C10orf105: variants seen among roughly 807,000 people sequenced by gnomAD.
C10orf105 encodes chromosome 10 open reading frame 105.
C10orf105 carries 2 observed loss-of-function variants against 0.6 expected under a neutral mutation model. That is an observed-to-expected ratio of 3.18 (90% CI 1.30 to 10.01). The LOEUF is 10.01. Ranked by LOEUF, C10orf105 falls within the 30% of genes most tolerant of loss-of-function variation. The pLI is 0.04. For synonymous variants in C10orf105, 95 were observed against 82.4 expected (o/e 1.15, Z -0.83); for missense variants, 209 against 191.4 (o/e 1.09, Z -0.54).
chr10:71,725,793 C>G (rs1187531825), intron 1 of C10orf105, among the ~76,000 whole-genome samples: 1 of 152,166 alleles, frequency 6.6e-6, no homozygotes, highest in East Asian at 1.9e-4. Flanking sequence ...ACTGTACTAA[C>G]CCCTGTATCC....
chr10:71,726,565 G>A (rs1866821659), intron 1 of C10orf105, among the ~76,000 whole-genome samples: 1 of 152,234 alleles, frequency 6.6e-6, no homozygotes, highest in Non-Finnish European at 1.5e-5. Context: ...CTGCCCTGTG[G>A]AAATGGCTGA....
intron 1 of C10orf105, chr10:71,732,242 A>G (rs545091688): frequency 6.2e-7 from 1 of 1,613,772 alleles, no homozygotes; most frequent in Non-Finnish European, 8.5e-7. Flanking sequence ...GCCATCCTGG[A>G]GAATCTGGCA....
At chr10:71,717,136 G>A (rs1257818952) in intron 1 of C10orf105, 1 of 152,326 alleles carries the variant, frequency 6.6e-6, no homozygotes, top group Non-Finnish European at 1.5e-5. Context: ...GGTCCGAAGA[G>A]GGGATTTGGC....
Position 71,737,734 on chromosome 10 carries a change from TTCCAGCCGCAGTGGCCTGTGGCCG to T in C10orf105, c.-36_-13del, listed in dbSNP as rs377075213. The T allele has an allele frequency of 7.0e-4, 328 of 470,960 alleles. 2 individuals carry two copies. Among genetic ancestry groups the T allele is most frequent in the African/African-American group, 5.9e-3 (296 of 50,192 alleles). 29.2% of individuals were successfully genotyped at this position (470,960 alleles called of 1,614,324 possible). On this transcript the variant is annotated 5_prime_UTR_variant, in exon 1 of 2. Coordinates refer to the C10orf105 transcript ENST00000398786. ...TCAGTGAACCCCTGGGTACCTGTGA[TTCCAGCCGCAGTGGCCTGTGGCCG>T]TCCGTGGACTGGAGGCCTCACCCGC... is the stretch of plus-strand genomic sequence containing the variant.
intron 1 of C10orf105, chr10:71,734,458 T>A: frequency 6.7e-7 from 1 of 1,493,430 alleles, no homozygotes; most frequent in Non-Finnish European, 9.1e-7. Flanking sequence ...GCGAGGGTCT[T>A]GATAGCCTGA....
upstream of C10orf105, among the ~76,000 whole-genome samples, chr10:71,720,399 T>G (rs1434367146): frequency 1.3e-5 from 2 of 149,920 alleles, no homozygotes; most frequent in Non-Finnish European, 3.0e-5. Flanking sequence ...ACGGGAGACC[T>G]CCACTGGAGG....
intron 1 of C10orf105, among the ~76,000 whole-genome samples, chr10:71,727,203 A>G (rs1435293911): frequency 1.3e-5 from 2 of 152,228 alleles, no homozygotes; most frequent in Non-Finnish European, 2.9e-5. Flanking sequence ...GGCAAAGAGG[A>G]ATTAGCCGAC....
upstream of C10orf105, chr10:71,724,176 C>T: frequency 6.6e-7 from 1 of 1,510,222 alleles, no homozygotes; most frequent in Non-Finnish European, 9.0e-7. Flanking sequence ...TCTAGGCTGC[C>T]AAAGGTCTGG....
chr10:71,722,059 C>T (rs1474356796), upstream of C10orf105, among the ~76,000 whole-genome samples: 1 of 152,242 alleles, frequency 6.6e-6, no homozygotes, highest in Non-Finnish European at 1.5e-5. Flanking sequence ...AACCCATCCC[C>T]ATCTTCTCTG....
chr10:71,732,729 TGGTATCCTTCTG>T, intron 1 of C10orf105: 1 of 1,176,560 alleles, frequency 8.5e-7, no homozygotes, highest in Non-Finnish European at 1.1e-6. Context: ...CTATGCAGGC[TGGTATCCTTCTG>T]TTTTTCCTTC....
At chr10:71,735,994 C>T (rs891372389) in intron 1 of C10orf105, among the ~76,000 whole-genome samples, 1 of 152,260 alleles carries the variant, frequency 6.6e-6, no homozygotes, top group Non-Finnish European at 1.5e-5. Flanking sequence ...TTCATTCATA[C>T]AATGGGCCCA....
At chr10:71,724,111 T>A (rs531315052), upstream of C10orf105, 5 of 1,555,692 alleles carry the variant, frequency 3.2e-6, no homozygotes, top group South Asian at 5.9e-5. Flanking sequence ...CCATGGTAAG[T>A]GGGGCTGCCC....
At chr10:71,724,971 G>A (rs906173579) in intron 1 of C10orf105, among the ~76,000 whole-genome samples, 5 of 152,184 alleles carry the variant, frequency 3.3e-5, no homozygotes, top group African/African-American at 1.2e-4. Flanking sequence ...AACCACCCAT[G>A]GAGAATTTGG....
chr10:71,734,579 G>T, intron 1 of C10orf105: 1 of 1,603,286 alleles, frequency 6.2e-7, no homozygotes, highest in Non-Finnish European at 8.5e-7. Context: ...GTGGGGTCTG[G>T]AAGAGCCACA....
At chr10:71,718,826 G>A (rs1866413577) in intron 1 of C10orf105, among the ~76,000 whole-genome samples, 1 of 152,106 alleles carries the variant, frequency 6.6e-6, no homozygotes, top group Admixed American at 6.5e-5. Context: ...CAGCACTTTG[G>A]GAGGCCAAGG....
Position 71,713,027 on chromosome 10 carries a change from G to T in C10orf105, c.*2909C>A. The T allele has an allele frequency of 1.4e-6, 1 of 734,630 alleles. No homozygotes were observed. 45.5% of individuals were successfully genotyped at this position (734,630 alleles called of 1,614,324 possible). On this transcript the variant is annotated 3_prime_UTR_variant, in exon 2 of 2. Coordinates refer to ENST00000441508, the MANE Select transcript of C10orf105 (RefSeq NM_001164375.3). ...CCCCAGGTTGCAGAGCTGAGGATAG[G>T]GCTCTGGCTCCCCACAAACAGGAGG...
intron 1 of C10orf105, among the ~76,000 whole-genome samples, chr10:71,737,377 C>T (rs763147426): frequency 5.9e-5 from 9 of 152,208 alleles, no homozygotes; most frequent in African/African-American, 1.9e-4. Flanking sequence ...TTTCCAAAAT[C>T]GTGCAGCTCA....
chr10:71,732,519 C>G, intron 1 of C10orf105: 1 of 1,358,966 alleles, frequency 7.4e-7, no homozygotes, highest in Non-Finnish European at 9.9e-7. Flanking sequence ...GTAGTCCCAG[C>G]TGCTTGAGAG....
chr10:71,724,117 T>C (rs1400362715), upstream of C10orf105: 1 of 1,554,450 alleles, frequency 6.4e-7, no homozygotes, highest in South Asian at 1.2e-5. Context: ...TAAGTGGGGC[T>C]GCCCTAGGAT....
Sources: allele counts gnomAD v4.1 joint callset (sites outside exome capture counted in the v4.1 genomes callset), GRCh38; gene constraint gnomAD v4.1.1; transcripts MANE v1.5; gene names NCBI Gene and HGNC (gene_info 2026-07-23, HGNC 2026-07-21).